Variants in DGKI observed in about 807,000 individuals in gnomAD.
DGKI encodes the protein DAG kinase iota.
In DGKI, 55 loss-of-function variants were observed where a neutral mutation model predicts 147.5. That is an observed-to-expected ratio of 0.37 (90% CI 0.30 to 0.47). The LOEUF (loss-of-function observed/expected upper bound fraction) is 0.47. Among genes scored for constraint, DGKI ranks in the 20% least tolerant of loss-of-function variants. DGKI has a pLI of 1.00. For synonymous variants in DGKI, 469 were observed against 477.1 expected (o/e 0.98, Z 0.22); for missense variants, 1,007 against 1,323.8 (o/e 0.76, Z 3.71).
intron 1 of DGKI, among the ~76,000 whole-genome samples, chr7:137,832,835 G>A (rs186517111): frequency 7.5e-4 from 115 of 152,328 alleles, no homozygotes; most frequent in African/African-American, 2.5e-3. Context: ...CAGCATCCAA[G>A]TTACTTCTTG....
chr7:137,417,313 T>C (rs1255521171), intron 28 of DGKI, among the ~76,000 whole-genome samples: 2 of 152,220 alleles, frequency 1.3e-5, no homozygotes, highest in Non-Finnish European at 2.9e-5. Context: ...AAGACAGGAA[T>C]GCAAGGGCGT....
At chr7:137,789,962 T>C (rs1796799088) in intron 1 of DGKI, among the ~76,000 whole-genome samples, 1 of 152,186 alleles carries the variant, frequency 6.6e-6, no homozygotes, top group Non-Finnish European at 1.5e-5. Flanking sequence ...CTAGTTGATA[T>C]GTTAATCTAT....
intron 6 of DGKI, among the ~76,000 whole-genome samples, chr7:137,641,786 CT>C (rs1563127771): frequency 1.5e-4 from 23 of 152,254 alleles, no homozygotes; most frequent in African/African-American, 5.1e-4. Context: ...AAAAAGTTAG[CT>C]TGTTTATTTT....
intron 14 of DGKI, among the ~76,000 whole-genome samples, chr7:137,584,871 C>T (rs1819330747): frequency 6.6e-6 from 1 of 152,160 alleles, no homozygotes; most frequent in African/African-American, 2.4e-5. Flanking sequence ...GTGCCCAATG[C>T]TTACAAATAT....
chr7:137,679,735 C>T (rs908555633), intron 2 of DGKI, among the ~76,000 whole-genome samples: 30 of 152,066 alleles, frequency 2.0e-4, no homozygotes, highest in African/African-American at 7.2e-4. Flanking sequence ...CACCTGTAAT[C>T]CCAGCACTTT....
intron 1 of DGKI, among the ~76,000 whole-genome samples, chr7:137,691,635 T>G (rs184587915): frequency 6.6e-6 from 1 of 152,146 alleles, no homozygotes; most frequent in Non-Finnish European, 1.5e-5. Flanking sequence ...CAGCGACCTC[T>G]GCAAACTCCC....
At chr7:137,733,714 AGAT>A (rs2116674827) in intron 1 of DGKI, among the ~76,000 whole-genome samples, 1 of 152,238 alleles carries the variant, frequency 6.6e-6, no homozygotes, top group Non-Finnish European at 1.5e-5. Context: ...GCGTGACAGA[AGAT>A]GGTAAGTGCT....
intron 3 of DGKI, among the ~76,000 whole-genome samples, chr7:137,670,944 T>C (rs889964498): frequency 6.6e-6 from 1 of 152,170 alleles, no homozygotes; most frequent in Non-Finnish European, 1.5e-5. Context: ...TAGACCTGAA[T>C]ACGCAGATGG....
chr7:137,597,942 A>C, intron 11 of DGKI, 35 bp from the exon 12 acceptor site: 1 of 1,590,952 alleles, frequency 6.3e-7, no homozygotes, highest in East Asian at 2.2e-5. Context: ...TAAACAAAAG[A>C]ACATTTCACT....
chr7:137,717,518 A>G lies in DGKI; in HGVS notation c.402-27516T>C, dbSNP rs528313863. Among the ~76,000 whole-genome samples, 3 of 152,302 alleles carry G rather than the reference A, an allele frequency of 2.0e-5. No individual in the cohort carries two copies. In the East Asian group the frequency reaches 5.8e-4, roughly 29 times the overall value. On this transcript the variant is annotated intron_variant, in intron 1 of 32. Transcript: ENST00000614521. ...ATGGAGCTTCTTGCAGGGCATAAAC[A>G]TATGTCTGTCTGTCCGTTTACAACT...
At chr7:137,551,287 A>G (rs746236266) in intron 20 of DGKI, among the ~76,000 whole-genome samples, 1 of 152,202 alleles carries the variant, frequency 6.6e-6, no homozygotes, top group Non-Finnish European at 1.5e-5. Flanking sequence ...AACATGTGCC[A>G]CCACAGAGAG....
intron 1 of DGKI, among the ~76,000 whole-genome samples, chr7:137,830,055 G>C (rs1307458724): frequency 6.6e-6 from 1 of 152,162 alleles, no homozygotes; most frequent in East Asian, 1.9e-4. Context: ...AAAGGGCATG[G>C]CATCTGAAAT....
At chr7:137,672,563 T>C (rs1486842978) in intron 3 of DGKI, among the ~76,000 whole-genome samples, 1 of 152,200 alleles carries the variant, frequency 6.6e-6, no homozygotes, top group Non-Finnish European at 1.5e-5. Flanking sequence ...CTCACACTCC[T>C]AGAGGCTAGA....
chr7:137,598,764 C>A (rs1819884909), intron 11 of DGKI, among the ~76,000 whole-genome samples: 1 of 151,938 alleles, frequency 6.6e-6, no homozygotes, highest in Non-Finnish European at 1.5e-5. Flanking sequence ...TAGGGTCTAA[C>A]TAAAGTGATA....
intron 1 of DGKI, among the ~76,000 whole-genome samples, chr7:137,727,372 T>G (rs947991602): frequency 2.0e-5 from 3 of 152,166 alleles, no homozygotes; most frequent in Non-Finnish European, 4.4e-5. Flanking sequence ...AAAAGATTTT[T>G]GAGCAAAGCC....
chr7:137,815,817 T>G (rs1215556823), intron 1 of DGKI, among the ~76,000 whole-genome samples: 1 of 152,168 alleles, frequency 6.6e-6, no homozygotes, highest in Non-Finnish European at 1.5e-5. Flanking sequence ...GATAGAAGCT[T>G]GTGCCCAAAG....
intron 14 of DGKI, among the ~76,000 whole-genome samples, chr7:137,582,440 A>G (rs758856290): frequency 6.7e-6 from 1 of 148,562 alleles, no homozygotes; most frequent in African/African-American, 2.6e-5. Flanking sequence ...CTCTCTATAT[A>G]TATATATATA....
chr7:137,720,876 C>G (rs1469728524), intron 1 of DGKI, among the ~76,000 whole-genome samples: 3 of 152,036 alleles, frequency 2.0e-5, no homozygotes, highest in Non-Finnish European at 4.4e-5. Flanking sequence ...GACAAAAAAG[C>G]TTTTTTACTA....
intron 1 of DGKI, among the ~76,000 whole-genome samples, chr7:137,769,224 C>T (rs1007052754): frequency 6.6e-6 from 1 of 152,168 alleles, no homozygotes; most frequent in Non-Finnish European, 1.5e-5. Context: ...GGTAGATGAA[C>T]TCTGACTGTG....
Sources: gnomAD v4.1 joint callset for allele counts (sites outside exome capture counted in the v4.1 genomes callset) on GRCh38, gnomAD v4.1.1 for gene constraint, MANE v1.5 for transcripts, NCBI Gene and HGNC (gene_info 2026-07-23, HGNC 2026-07-21) for gene names.